The following FERMT2 variants were observed in gnomAD, a reference collection of about 807,000 sequenced individuals.
FERMT2 encodes fermitin family homolog 2.
A neutral mutation model predicts 82.7 loss-of-function variants in FERMT2; 15 were observed. The observed-to-expected ratio is 0.18, with a 90% CI of 0.12 to 0.28. FERMT2 has a LOEUF of 0.28. Ranked by LOEUF, FERMT2 falls within the 10% of genes least tolerant of loss-of-function variation. FERMT2 has a pLI of 1.00. For missense variants in FERMT2, 645 were observed against 809.4 expected, an observed-to-expected ratio of 0.80 and a Z score of 2.46; for synonymous variants, 274 against 271.5, an observed-to-expected ratio of 1.01 and a Z score of -0.09.
chr14:52,939,890 A>G (rs17125957), intron 2 of FERMT2, among the ~76,000 whole-genome samples: 1,797 of 152,344 alleles, frequency 0.012, 52 homozygotes, highest in East Asian at 0.074. Flanking sequence ...TAAGCTGGGA[A>G]GCACTTACCC....
At chr14:52,928,007 T>C (rs989075262) in intron 2 of FERMT2, 7 of 386,284 alleles carry the variant, frequency 1.8e-5, no homozygotes, top group African/African-American at 1.5e-4. Flanking sequence ...AGAAAGTTGA[T>C]CAAATAACTT....
In FERMT2 at chr14:52,943,213, G is replaced by GA. The variant is rs202222984; in HGVS notation, c.157+7198dup. On this transcript the variant is annotated intron_variant, in intron 2 of 14. Coordinates refer to ENST00000341590, the MANE Select transcript of FERMT2 (RefSeq NM_006832.3). ...ACAAGAGCAAAACTCTGTCTCAAAA[G>GA]AAAAAAAAATCACTCTGAAGTGAAA... Among the ~76,000 whole-genome samples, 22 of 119,536 alleles carry GA rather than the reference G, an allele frequency of 1.8e-4. 1 individual carries two copies. The highest frequency in any genetic ancestry group is 9.2e-4 in the Admixed American group (12 of 13,026). 78.4% of individuals were successfully genotyped at this position (119,536 alleles called of 152,430 possible).
chr14:52,902,414 AGAG>A (rs1327604861), intron 3 of FERMT2, among the ~76,000 whole-genome samples: 4 of 118,560 alleles, frequency 3.4e-5, no homozygotes, highest in South Asian at 3.1e-4. Flanking sequence ...CAAAAAAAAA[AGAG>A]AGAGAGAGAT....
chr14:52,878,787 T>C (rs1362917642), intron 6 of FERMT2, 98 bp from the exon 7 acceptor site: 6 of 577,694 alleles, frequency 1.0e-5, no homozygotes, highest in Non-Finnish European at 1.7e-5. Flanking sequence ...TTTAATGCTT[T>C]TTTTCCTGGG....
At chr14:52,874,883 C>CCAT (rs1421350335) in intron 8 of FERMT2, among the ~76,000 whole-genome samples, 2 of 152,020 alleles carry the variant, frequency 1.3e-5, no homozygotes, top group African/African-American at 4.8e-5. Context: ...CAGTGAGACC[C>CCAT]CATCTCTTAA....
rs544087654 is a variant in FERMT2 at position 52,878,735 on chromosome 14, T to C, written c.856-46A>G. On this transcript the variant is annotated intron_variant, in intron 6 of 14. Transcript: ENST00000341590. Reference sequence around the variant, plus strand: ...CTTTTGTAATATATAACCTTTACCATTGAAAAATTTCAAACTCTGAATATT... The same window carrying C: ...CTTTTGTAATATATAACCTTTACCACTGAAAAATTTCAAACTCTGAATATT... 4.5e-5 allele frequency: 45 copies of C among 1,007,064 alleles called. No individual in the cohort carries two copies. In the South Asian group the frequency reaches 6.7e-4, roughly 15 times the overall value. The allele number at this position is 1,007,064 out of a possible 1,614,324, so 62.4% of individuals were successfully genotyped here. A position where few individuals can be genotyped will look rare whatever the true frequency, so the allele number is the denominator to read the frequency against.
intron 2 of FERMT2, among the ~76,000 whole-genome samples, chr14:52,949,304 G>T (rs895989915): frequency 6.6e-6 from 1 of 150,498 alleles, no homozygotes; most frequent in Non-Finnish European, 1.5e-5. Flanking sequence ...ATAATCCTTT[G>T]GTAAGAAATA....
At chr14:52,931,265 T>C (rs1889553405) in intron 2 of FERMT2, among the ~76,000 whole-genome samples, 1 of 152,230 alleles carries the variant, frequency 6.6e-6, no homozygotes, top group African/African-American at 2.4e-5. Context: ...GCTAAAAATA[T>C]AAAAGAACAA....
At chr14:52,889,703 A>T (rs1284387682) in intron 4 of FERMT2, among the ~76,000 whole-genome samples, 2 of 152,090 alleles carry the variant, frequency 1.3e-5, no homozygotes, top group Non-Finnish European at 2.9e-5. Context: ...GGCTATACGG[A>T]TGGTATAGTC....
At chr14:52,948,429 C>T (rs1205058357) in intron 2 of FERMT2, 4 of 343,166 alleles carry the variant, frequency 1.2e-5, no homozygotes, top group Non-Finnish European at 1.1e-5. Flanking sequence ...AAACCAAAAG[C>T]ATCACTTAGC....
chr14:52,867,115 T>TA (rs1885333108), intron 10 of FERMT2, among the ~76,000 whole-genome samples: 1 of 151,222 alleles, frequency 6.6e-6, no homozygotes, highest in Non-Finnish European at 1.5e-5. Context: ...TTTTTTTTTT[T>TA]AAATAGAGAC....
chr14:52,946,815 G>A (rs1476149525), intron 2 of FERMT2, among the ~76,000 whole-genome samples: 3 of 152,084 alleles, frequency 2.0e-5, no homozygotes, highest in Non-Finnish European at 4.4e-5. Context: ...TGAGATTCCA[G>A]GCACATGCCA....
intron 4 of FERMT2, among the ~76,000 whole-genome samples, chr14:52,885,955 T>G (rs1297169394): frequency 4.7e-5 from 7 of 150,224 alleles, no homozygotes; most frequent in African/African-American, 1.5e-4. Flanking sequence ...AACAATATGG[T>G]TTTAAAAAAA....
At chr14:52,945,241 TTG>T (rs1376013796) in intron 2 of FERMT2, among the ~76,000 whole-genome samples, 87 of 151,494 alleles carry the variant, frequency 5.7e-4, no homozygotes, top group African/African-American at 2.0e-3. Flanking sequence ...TTTTTTGTTG[TTG>T]TTTTTTTTTT....
chr14:52,933,335 A>G (rs1234820255), intron 2 of FERMT2, among the ~76,000 whole-genome samples: 2 of 152,078 alleles, frequency 1.3e-5, no homozygotes. Flanking sequence ...CTGAATTACT[A>G]TAACACCATT....
rs138946327 is a variant in FERMT2 at position 52,906,122 on chromosome 14, C to G, written c.392-12695G>C. Among the ~76,000 whole-genome samples the G allele has an allele frequency of 3.2e-4, 49 of 152,252 alleles. No individual in the cohort carries two copies. In the East Asian group the frequency reaches 8.5e-3, roughly 26 times the overall value. On this transcript the variant is annotated intron_variant, in intron 3 of 14. Coordinates refer to ENST00000341590, the MANE Select transcript of FERMT2 (RefSeq NM_006832.3). ...AGGGGAGGGGCGCATGGGGCCTGGT[C>G]TTGCAGAGTTGAGAGATCTGGGATG... is the stretch of plus-strand genomic sequence containing the variant.
chr14:52,885,690 C>T (rs898383667), intron 4 of FERMT2, among the ~76,000 whole-genome samples: 3 of 152,118 alleles, frequency 2.0e-5, no homozygotes, highest in Non-Finnish European at 2.9e-5. Flanking sequence ...TATAATCAAA[C>T]AACTCCTAAA....
In FERMT2 at chr14:52,896,208, G is replaced by A. The variant is rs535855772; in HGVS notation, c.392-2781C>T. ...TGACCAAAATATTGTTATGCAGCACGTGACTGTGTATCACAATGTCTGGCA... is the reference window on the plus strand; with the variant it reads ...TGACCAAAATATTGTTATGCAGCACATGACTGTGTATCACAATGTCTGGCA... On this transcript the variant is annotated intron_variant, in intron 3 of 14. Coordinates refer to ENST00000341590, the MANE Select transcript of FERMT2 (RefSeq NM_006832.3). Among the ~76,000 whole-genome samples, 28 of 152,306 alleles carry A rather than the reference G, an allele frequency of 1.8e-4. 1 individual carries two copies. In the South Asian group the frequency reaches 5.6e-3, roughly 30 times the overall value.
intron 3 of FERMT2, among the ~76,000 whole-genome samples, chr14:52,916,465 G>A (rs531479687): frequency 2.0e-5 from 3 of 152,138 alleles, no homozygotes; most frequent in Admixed American, 6.6e-5. Context: ...GCTACATACT[G>A]TATGAGTCCA....
Sources: allele counts gnomAD v4.1 joint callset (sites outside exome capture counted in the v4.1 genomes callset), GRCh38; gene constraint gnomAD v4.1.1; transcripts MANE v1.5; gene names NCBI Gene and HGNC (gene_info 2026-07-23, HGNC 2026-07-21).